Variants in PTPRD observed in about 807,000 individuals in gnomAD.
The protein encoded by PTPRD is protein tyrosine phosphatase receptor type D.
Under a neutral mutation model 214.5 loss-of-function variants are expected in PTPRD, and 34 were observed. That is an observed-to-expected ratio of 0.16 (90% CI 0.12 to 0.21). The LOEUF (loss-of-function observed/expected upper bound fraction) is 0.21, where lower values mean the gene tolerates loss of function less well. Among genes scored for constraint, PTPRD ranks in the 10% least tolerant of loss-of-function variants. The pLI is 1.00. For synonymous variants in PTPRD, 1,128 were observed against 845.7 expected, an observed-to-expected ratio of 1.33 and a Z score of -5.79; for missense variants, 2,545 against 2,398.7, an observed-to-expected ratio of 1.06 and a Z score of -1.27.
chr9:10,015,011 G>C lies in PTPRD; in HGVS notation c.-472+18707C>G, dbSNP rs111342369. 9.8e-3 allele frequency among the ~76,000 whole-genome samples: 1,488 copies of C among 152,180 alleles called. 15 individuals are homozygous for C. The highest frequency in any genetic ancestry group is 0.034 in the African/African-American group (1,394 of 41,548). ...GGTAATAGCCACATGGCATCCACTA[G>C]AGTAGTTCTATTATGGGTAATCCAC... On this transcript the variant is annotated intron_variant, in intron 4 of 45. Transcript: ENST00000381196.
chr9:9,534,140 G>T (rs1026718137), intron 8 of PTPRD, among the ~76,000 whole-genome samples: 1 of 151,994 alleles, frequency 6.6e-6, no homozygotes, highest in African/African-American at 2.4e-5. Context: ...CTCATACATC[G>T]TGTTGCTATA....
At chr9:8,761,830 G>T (rs1485484450) in intron 11 of PTPRD, among the ~76,000 whole-genome samples, 2 of 152,130 alleles carry the variant, frequency 1.3e-5, no homozygotes, top group Admixed American at 1.3e-4. Flanking sequence ...AGTGGAAGAA[G>T]GAAGATGAGA....
chr9:8,400,019 T>C (rs1040535970), intron 36 of PTPRD, among the ~76,000 whole-genome samples: 1 of 149,498 alleles, frequency 6.7e-6, no homozygotes, highest in African/African-American at 2.5e-5. Flanking sequence ...TCATATCTAT[T>C]ATAATGTCTT....
At position 9,930,295 on chromosome 9, in the gene PTPRD, G is replaced by A. The variant is rs1184633463; in HGVS notation, c.-368+8212C>T. 3.9e-5 allele frequency among the ~76,000 whole-genome samples: 6 copies of A among 152,272 alleles called. No individual in the cohort carries two copies. The East Asian group carries it at 1.2e-3, about 29-fold the overall frequency. ...GGGAATATCGAAGCCATGGACATAAGTGAGATCATTCAAATAGAACACACA... is the reference window on the plus strand; with the variant it reads ...GGGAATATCGAAGCCATGGACATAAATGAGATCATTCAAATAGAACACACA... On this transcript the variant is annotated intron_variant, in intron 5 of 45. Transcript: ENST00000381196.
At chr9:10,195,097 T>TC (rs2099392288) in intron 3 of PTPRD, among the ~76,000 whole-genome samples, 1 of 104,394 alleles carries the variant, frequency 9.6e-6, no homozygotes, top group African/African-American at 3.0e-5. Flanking sequence ...CATACCCGGC[T>TC]ATTTTTTTTT....
intron 2 of PTPRD, among the ~76,000 whole-genome samples, chr9:10,346,173 A>G (rs1387627752): frequency 6.6e-6 from 1 of 152,214 alleles, no homozygotes; most frequent in African/African-American, 2.4e-5. Context: ...TCCATGTAAA[A>G]ATTGGTAGAA....
intron 11 of PTPRD, among the ~76,000 whole-genome samples, chr9:8,892,183 T>C (rs1055112139): frequency 6.6e-6 from 1 of 152,200 alleles, no homozygotes. Flanking sequence ...CCATCCACGC[T>C]GCTTTTCCTC....
chr9:9,838,142 C>T (rs900464719), intron 5 of PTPRD, among the ~76,000 whole-genome samples: 3 of 152,166 alleles, frequency 2.0e-5, no homozygotes, highest in African/African-American at 7.2e-5. Context: ...TGTATTTGTG[C>T]CACATTTTCT....
At chr9:10,221,342 A>T (rs953914163) in intron 3 of PTPRD, among the ~76,000 whole-genome samples, 1 of 151,994 alleles carries the variant, frequency 6.6e-6, no homozygotes, top group African/African-American at 2.4e-5. Context: ...TGCATACTCG[A>T]TATCATTTTT....
chr9:9,860,263 G>C (rs2062436337), intron 5 of PTPRD, among the ~76,000 whole-genome samples: 1 of 152,144 alleles, frequency 6.6e-6, no homozygotes, highest in Non-Finnish European at 1.5e-5. Context: ...TGATGGAAAA[G>C]AATTACAAAT....
At chr9:10,552,674 G>A (rs1416436547) in intron 2 of PTPRD, among the ~76,000 whole-genome samples, 2 of 152,072 alleles carry the variant, frequency 1.3e-5, no homozygotes, top group Non-Finnish European at 2.9e-5. Context: ...CTGAATGCAA[G>A]AGGAGCACTG....
At position 10,161,771 on chromosome 9, in the gene PTPRD, G is replaced by T. The variant is rs537082467; in HGVS notation, c.-544-127981C>A. On this transcript the variant is annotated intron_variant, in intron 3 of 45. Transcript: ENST00000381196. ...AAATAAAGACATAACTTAAATGGGA[G>T]AAAATGTTTCCAAACTATCCATCTG... 6.6e-5 allele frequency among the ~76,000 whole-genome samples: 10 copies of T among 151,776 alleles called. No homozygotes were observed. The South Asian group carries it at 2.1e-3, about 31-fold the overall frequency.
chr9:9,079,771 A>G (rs324479), intron 10 of PTPRD, among the ~76,000 whole-genome samples: 102,683 of 151,830 alleles, frequency 0.68, 35,073 homozygotes, highest in Non-Finnish European at 0.72. Context: ...ATGTACTTTA[A>G]GGAGTATTAG....
intron 5 of PTPRD, among the ~76,000 whole-genome samples, chr9:9,770,936 T>A (rs1418644410): frequency 6.6e-6 from 1 of 152,100 alleles, no homozygotes; most frequent in Non-Finnish European, 1.5e-5. Flanking sequence ...TTGGAAATGG[T>A]CAAATATGCA....
intron 36 of PTPRD, among the ~76,000 whole-genome samples, chr9:8,389,880 C>T (rs1174539931): frequency 6.6e-6 from 1 of 152,124 alleles, no homozygotes. Context: ...CATATATAAA[C>T]TCATTTAATA....
intron 3 of PTPRD, among the ~76,000 whole-genome samples, chr9:10,080,381 A>C (rs1360960202): frequency 6.6e-6 from 1 of 152,118 alleles, no homozygotes; most frequent in Non-Finnish European, 1.5e-5. Flanking sequence ...TGCAGAGTAC[A>C]TGTGATAGGG....
intron 9 of PTPRD, among the ~76,000 whole-genome samples, chr9:9,223,816 T>C (rs551373094): frequency 6.6e-6 from 1 of 152,132 alleles, no homozygotes; most frequent in South Asian, 2.1e-4. Flanking sequence ...ATGTCTCTGG[T>C]GAAGAGTTCG....
intron 7 of PTPRD, among the ~76,000 whole-genome samples, chr9:9,674,645 T>A (rs2096895255): frequency 6.6e-6 from 1 of 151,772 alleles, no homozygotes; most frequent in African/African-American, 2.4e-5. Flanking sequence ...TACCTTGAAA[T>A]GCTAACTAAG....
intron 10 of PTPRD, among the ~76,000 whole-genome samples, chr9:9,078,928 T>C (rs1279112992): frequency 1.3e-5 from 2 of 152,078 alleles, no homozygotes; most frequent in African/African-American, 2.4e-5. Flanking sequence ...CATATTTCAA[T>C]ACTCATAATG....
Sources: allele counts gnomAD v4.1 joint callset (sites outside exome capture counted in the v4.1 genomes callset), GRCh38; gene constraint gnomAD v4.1.1; transcripts MANE v1.5; gene names NCBI Gene and HGNC (gene_info 2026-07-23, HGNC 2026-07-21).